The following DPP6 variants were observed in gnomAD, a reference collection of about 807,000 sequenced individuals.
The protein encoded by DPP6 is dipeptidyl peptidase like 6.
A neutral mutation model predicts 122.6 loss-of-function variants in DPP6; 69 were observed. The observed-to-expected ratio is 0.56, with a 90% CI of 0.46 to 0.69. The LOEUF is 0.69. Ranked by LOEUF, DPP6 falls within the 30% of genes least tolerant of loss-of-function variation. The probability of loss-of-function intolerance (pLI) is 0.00; values close to 1 mark genes in which losing one functional copy is unlikely to be tolerated. For synonymous variants in DPP6, 418 were observed against 433.1 expected, an observed-to-expected ratio of 0.97 and a Z score of 0.43; for missense variants, 928 against 1,116.9, an observed-to-expected ratio of 0.83 and a Z score of 2.41.
chr7:154,001,770 C>T (rs1046280901), intron 1 of DPP6, among the ~76,000 whole-genome samples: 9 of 151,642 alleles, frequency 5.9e-5, no homozygotes, highest in African/African-American at 9.7e-5. Flanking sequence ...CATTAATGGG[C>T]GAAATCCCTG....
chr7:154,636,559 C>T (rs1446348566), intron 5 of DPP6, among the ~76,000 whole-genome samples: 2 of 152,228 alleles, frequency 1.3e-5, no homozygotes, highest in African/African-American at 4.8e-5. Context: ...ATCTGCTGCC[C>T]TCAAAGCAAG....
chr7:154,795,513 G>C (rs1484857331), intron 11 of DPP6, among the ~76,000 whole-genome samples: 1 of 152,162 alleles, frequency 6.6e-6, no homozygotes, highest in African/African-American at 2.4e-5. Context: ...ATGGACACAT[G>C]CCCGGGCAGT....
At chr7:154,641,022 C>T (rs923972997) in intron 6 of DPP6, among the ~76,000 whole-genome samples, 1 of 152,076 alleles carries the variant, frequency 6.6e-6, no homozygotes, top group African/African-American at 2.4e-5. Context: ...TGTTCTCATG[C>T]CCTCTGATTT....
intron 7 of DPP6, among the ~76,000 whole-genome samples, chr7:154,672,161 C>T (rs1278394875): frequency 4.6e-5 from 7 of 152,132 alleles, no homozygotes; most frequent in African/African-American, 7.2e-5. Context: ...CCCCTTTGCT[C>T]GACACTCACT....
chr7:153,784,690 A>C, the DPP6 span, among the ~76,000 whole-genome samples: 8 of 152,214 alleles, frequency 5.3e-5, no homozygotes, highest in Admixed American at 2.0e-4. Flanking sequence ...GATATGCTGT[A>C]GGAGTCTGAA....
At position 154,575,802 on chromosome 7, in the gene DPP6, G is replaced by A. The variant is rs908870669; in HGVS notation, c.627+8886G>A. Among the ~76,000 whole-genome samples, 666 of 151,190 alleles carry A rather than the reference G, an allele frequency of 4.4e-3. 4 individuals carry two copies. The highest frequency in any genetic ancestry group is 0.015 in the African/African-American group (638 of 41,178). The stretch of plus-strand genomic sequence containing the variant: ...GTATGTGTGGTGTGTGTATCTGTGT[G>A]TTTGTGTGTGTAGTGTGTGTGTGTG... On this transcript the variant is annotated intron_variant, in intron 5 of 25. Transcript: ENST00000377770.
chr7:153,965,096 A>G (rs1027800112), intron 1 of DPP6, among the ~76,000 whole-genome samples: 1 of 149,002 alleles, frequency 6.7e-6, no homozygotes, highest in African/African-American at 2.5e-5. Context: ...TTTCTGCTCT[A>G]TTAGTTTCCT....
intron 7 of DPP6, among the ~76,000 whole-genome samples, chr7:154,679,506 T>G (rs554500837): frequency 5.7e-4 from 87 of 152,192 alleles, no homozygotes; most frequent in African/African-American, 1.4e-3. Flanking sequence ...GCCCGTCGCC[T>G]CCTCCTACAA....
chr7:154,584,350 A>C (rs77322511), intron 5 of DPP6, among the ~76,000 whole-genome samples: 2,077 of 152,264 alleles, frequency 0.014, 68 homozygotes, highest in African/African-American at 0.047. Flanking sequence ...ACTCCACAGG[A>C]GTGGGCTCCC....
At chr7:154,711,945 C>CACACACACACACAACACACACACACACA (rs6150404) in intron 7 of DPP6, among the ~76,000 whole-genome samples, 20 of 149,796 alleles carry the variant, frequency 1.3e-4, no homozygotes, top group Admixed American at 2.0e-4. Context: ...TTAATACACA[C>CACACACACACACAACACACACACACACA]ACACACACAC....
rs146101758 is a variant in DPP6 at position 154,620,036 on chromosome 7, G to A, written c.628-17785G>A. 9.5e-3 allele frequency among the ~76,000 whole-genome samples: 1,448 copies of A among 152,240 alleles called. 12 individuals carry two copies. The highest frequency in any genetic ancestry group is 0.017 in the Middle Eastern group (5 of 294). ...GTAATCTGGGGTGGCCCAGGAATCC[G>A]CACATTTCACAAGCACGTTGAATGA... On this transcript the variant is annotated intron_variant, in intron 5 of 25. Coordinates refer to ENST00000377770, the MANE Select transcript of DPP6 (RefSeq NM_130797.4).
At chr7:154,214,680 G>T (rs1799905315) in intron 1 of DPP6, among the ~76,000 whole-genome samples, 1 of 152,208 alleles carries the variant, frequency 6.6e-6, no homozygotes, top group African/African-American at 2.4e-5. Context: ...ACTTTGGGAG[G>T]CTGAGGTGGG....
At chr7:153,769,745 A>G in the DPP6 span, among the ~76,000 whole-genome samples, 1 of 152,214 alleles carries the variant, frequency 6.6e-6, no homozygotes, top group Non-Finnish European at 1.5e-5. Context: ...CTTTTTTTTA[A>G]ATCCACTAAA....
At chr7:153,824,386 C>CAAAAAAAAAAAAAAAA in the DPP6 span, among the ~76,000 whole-genome samples, 1 of 79,442 alleles carries the variant, frequency 1.3e-5, no homozygotes. Context: ...GAGTCTGTCT[C>CAAAAAAAAAAAAAAAA]AAAAAAAAAA....
At chr7:153,802,300 C>T in the DPP6 span, among the ~76,000 whole-genome samples, 119 of 152,280 alleles carry the variant, frequency 7.8e-4, 1 homozygote, top group African/African-American at 2.7e-3. Flanking sequence ...GAAATAATAG[C>T]TCAATCCCAA....
At chr7:154,801,555 C>G in intron 13 of DPP6, 93 bp downstream of exon 13, 1 of 1,444,410 alleles carries the variant, frequency 6.9e-7, no homozygotes, top group Non-Finnish European at 9.1e-7. Context: ...CTTGCGTTTT[C>G]GAGGACCCCA....
intron 5 of DPP6, among the ~76,000 whole-genome samples, chr7:154,579,001 A>C (rs955561751): frequency 2.6e-5 from 4 of 152,226 alleles, no homozygotes; most frequent in East Asian, 1.9e-4. Flanking sequence ...ACACGTGCAG[A>C]GCTTCAAGAG....
intron 4 of DPP6, among the ~76,000 whole-genome samples, chr7:154,565,863 AT>A (rs1161569983): frequency 3.3e-5 from 5 of 152,078 alleles, no homozygotes; most frequent in South Asian, 2.1e-4. Context: ...TCTCTCTCTG[AT>A]TTCATGTGGT....
the DPP6 span, among the ~76,000 whole-genome samples, chr7:153,837,119 T>C: frequency 6.6e-6 from 1 of 152,200 alleles, no homozygotes; most frequent in Admixed American, 6.5e-5. Context: ...TTTTAGATCA[T>C]AATCACTTCT....
Sources: allele counts gnomAD v4.1 joint callset (sites outside exome capture counted in the v4.1 genomes callset), GRCh38; gene constraint gnomAD v4.1.1; transcripts MANE v1.5; gene names NCBI Gene and HGNC (gene_info 2026-07-23, HGNC 2026-07-21).